ASAP1: variants seen among roughly 807,000 people sequenced by gnomAD.
The protein encoded by ASAP1 is arf-GAP with SH3 domain, ANK repeat and PH domain-containing protein 1.
Under a neutral mutation model 145.2 loss-of-function variants are expected in ASAP1, and 43 were observed. That is an observed-to-expected ratio of 0.30 (90% CI 0.23 to 0.38). The LOEUF is 0.38. ASAP1 is among the 10% of genes least tolerant of loss of function. ASAP1 has a pLI of 1.00. For missense variants in ASAP1, 1,018 were observed against 1,355.3 expected (o/e 0.75, Z 3.91); for synonymous variants, 546 against 515.5 (o/e 1.06, Z -0.80).
intron 27 of ASAP1, among the ~76,000 whole-genome samples, chr8:130,071,810 A>T (rs899078854): frequency 6.6e-6 from 1 of 152,214 alleles, no homozygotes; most frequent in Non-Finnish European, 1.5e-5. Context: ...ATACACTATG[A>T]TGGACTGGAC....
At chr8:130,232,177 C>G (rs1817947297) in intron 4 of ASAP1, among the ~76,000 whole-genome samples, 1 of 152,178 alleles carries the variant, frequency 6.6e-6, no homozygotes, top group Non-Finnish European at 1.5e-5. Flanking sequence ...GGCATCACCT[C>G]TACTACATTC....
intron 5 of ASAP1, among the ~76,000 whole-genome samples, chr8:130,192,531 A>T (rs1389001570): frequency 6.6e-6 from 1 of 152,132 alleles, no homozygotes; most frequent in Non-Finnish European, 1.5e-5. Flanking sequence ...TTGGAGTACA[A>T]TTCCCTAGCA....
intron 18 of ASAP1, among the ~76,000 whole-genome samples, chr8:130,120,304 T>G (rs185004922): frequency 6.6e-6 from 1 of 152,240 alleles, no homozygotes; most frequent in Non-Finnish European, 1.5e-5. Flanking sequence ...AGGCAGCTAC[T>G]GTGTTGATGG....
At chr8:130,156,404 C>T (rs933464288) in intron 12 of ASAP1, among the ~76,000 whole-genome samples, 4 of 152,236 alleles carry the variant, frequency 2.6e-5, no homozygotes, top group Non-Finnish European at 5.9e-5. Context: ...TATGATCCAA[C>T]AGCTCTGTCT....
chr8:130,269,371 C>T (rs1019854904), intron 3 of ASAP1, among the ~76,000 whole-genome samples: 3 of 152,188 alleles, frequency 2.0e-5, no homozygotes, highest in African/African-American at 7.2e-5. Context: ...CCTGACTGTA[C>T]CTCTAGCTCG....
chr8:130,161,511 C>T (rs918865015), intron 11 of ASAP1, among the ~76,000 whole-genome samples: 2 of 152,188 alleles, frequency 1.3e-5, no homozygotes, highest in African/African-American at 4.8e-5. Context: ...AACATAAGCC[C>T]TGGCTTTGAC....
At chr8:130,101,236 T>G (rs2097528195) in intron 24 of ASAP1, among the ~76,000 whole-genome samples, 1 of 152,252 alleles carries the variant, frequency 6.6e-6, no homozygotes, top group African/African-American at 2.4e-5. Flanking sequence ...TTTTTTCTTT[T>G]GGCTTAGTAT....
chr8:130,208,806 T>C (rs1816395371), intron 5 of ASAP1: 1 of 152,216 alleles, frequency 6.6e-6, no homozygotes, highest in Admixed American at 6.5e-5. Flanking sequence ...TCTTTTGAAC[T>C]TCTGAATCTA....
chr8:130,103,480 A>C (rs752085396), intron 24 of ASAP1, among the ~76,000 whole-genome samples: 1 of 151,822 alleles, frequency 6.6e-6, no homozygotes, highest in Non-Finnish European at 1.5e-5. Flanking sequence ...CTTGAGGTGC[A>C]CCATTAGGTT....
rs901416806 is a variant in ASAP1, at chr8:130,431,562, T to C, written c.-28+11898A>G. Among the ~76,000 whole-genome samples, 11 of 152,342 alleles carry C rather than the reference T, an allele frequency of 7.2e-5. No individual in the cohort carries two copies. In the East Asian group the frequency reaches 2.1e-3, roughly 29 times the overall value. On this transcript the variant is annotated intron_variant, in intron 1 of 29. Transcript: ENST00000518721. ...TTTACTGGCTGGTTCCTATTCGTTA[T>C]TTAAGATTCGGCTCAAGGATTACAC...
intron 5 of ASAP1, among the ~76,000 whole-genome samples, chr8:130,194,612 G>T (rs1815357528): frequency 6.6e-6 from 1 of 152,180 alleles, no homozygotes; most frequent in Non-Finnish European, 1.5e-5. Flanking sequence ...TTTTTCTACA[G>T]ATGGCAGGGG....
chr8:130,273,611 A>G (rs1245654075), intron 3 of ASAP1, among the ~76,000 whole-genome samples: 2 of 152,204 alleles, frequency 1.3e-5, no homozygotes, highest in South Asian at 2.1e-4. Context: ...TTCTCTGGGT[A>G]TCTCTGGGCA....
chr8:130,268,512 CACACACA>C (rs1820397728), intron 3 of ASAP1, among the ~76,000 whole-genome samples: 1 of 151,238 alleles, frequency 6.6e-6, no homozygotes, highest in South Asian at 2.1e-4. Context: ...CACACACACA[CACACACA>C]CACACACACA....
intron 3 of ASAP1, among the ~76,000 whole-genome samples, chr8:130,250,820 T>C (rs1819149059): frequency 6.6e-6 from 1 of 152,144 alleles, no homozygotes; most frequent in South Asian, 2.1e-4. Context: ...TAGAAAACTG[T>C]TTCTGAGAGA....
At chr8:130,112,397 G>A (rs905862593) in intron 23 of ASAP1, 75 bp from the exon 24 acceptor site, 28 of 1,274,486 alleles carry the variant, frequency 2.2e-5, no homozygotes, top group African/African-American at 4.4e-5. Context: ...TCCGCAGGGC[G>A]GGCTCAGGTG....
chr8:130,116,659 C>T lies in ASAP1; in HGVS notation c.2064+19G>A. 6.2e-7 allele frequency: 1 copy of T among 1,609,768 alleles called. No individual in the cohort carries two copies. Among genetic ancestry groups the T allele is most frequent in the Non-Finnish European group, 8.5e-7 (1 of 1,176,300 alleles). ...GGCAGCCAATGTCTAATAAATCTCC[C>T]ACGTCCATTTTTGCTTACCAGATCT... On this transcript the variant is annotated intron_variant, in intron 22 of 29. Transcript: ENST00000518721.
intron 4 of ASAP1, among the ~76,000 whole-genome samples, chr8:130,224,605 AT>A (rs1426935700): frequency 1.3e-5 from 2 of 152,184 alleles, no homozygotes; most frequent in African/African-American, 2.4e-5. Flanking sequence ...TTTAAAAAAA[AT>A]AAATGGGATA....
intron 4 of ASAP1, among the ~76,000 whole-genome samples, chr8:130,218,989 T>G (rs1483446887): frequency 1.3e-5 from 2 of 152,030 alleles, no homozygotes; most frequent in Non-Finnish European, 2.9e-5. Flanking sequence ...TAGTAAGATA[T>G]ATCTTGGGGT....
At chr8:130,153,383 A>G (rs911659687) in intron 12 of ASAP1, among the ~76,000 whole-genome samples, 7 of 136,166 alleles carry the variant, frequency 5.1e-5, no homozygotes, top group Non-Finnish European at 6.2e-5. Flanking sequence ...ATATATATAT[A>G]TTTTGAGACA....
Sources: allele counts gnomAD v4.1 joint callset (sites outside exome capture counted in the v4.1 genomes callset), GRCh38; gene constraint gnomAD v4.1.1; transcripts MANE v1.5; gene names NCBI Gene and HGNC (gene_info 2026-07-23, HGNC 2026-07-21).